ATP11C: variants seen among roughly 807,000 people sequenced by gnomAD.
The protein encoded by ATP11C is phospholipid-transporting ATPase IG.
In ATP11C, 36 loss-of-function variants were observed where a neutral mutation model predicts 97.4. The observed-to-expected ratio is 0.37, with a 90% CI of 0.28 to 0.49. The LOEUF (loss-of-function observed/expected upper bound fraction) is 0.49, where lower values mean the gene tolerates loss of function less well. Ranked by LOEUF, ATP11C falls within the 20% of genes least tolerant of loss-of-function variation. The pLI, the probability that ATP11C is intolerant of heterozygous loss-of-function variation, is 0.98. For missense variants in ATP11C, 730 were observed against 824.6 expected (o/e 0.89, Z 1.40); for synonymous variants, 275 against 290.9 (o/e 0.95, Z 0.56).
Position 139,726,643 on chromosome X carries a change from G to T in ATP11C, c.*2323C>A. The T allele has an allele frequency of 8.9e-6, 1 of 112,545 alleles. No individual in the cohort carries two copies. The highest frequency in any genetic ancestry group is 1.9e-5 in the Non-Finnish European group (1 of 53,241). 9.3% of individuals were successfully genotyped at this position (112,545 alleles called of 1,213,427 possible). A position where few individuals can be genotyped will look rare whatever the true frequency, so the allele number is the denominator to read the frequency against. Reference sequence around the variant, plus strand: ...TAGGCTTACATTTATACTGTTGCTGGTGTATGTGTAAGTAGATATGGAATG... The same window carrying T: ...TAGGCTTACATTTATACTGTTGCTGTTGTATGTGTAAGTAGATATGGAATG... On this transcript the variant is annotated 3_prime_UTR_variant, in exon 30 of 30. Coordinates refer to ENST00000682941, the MANE Select transcript of ATP11C (RefSeq NM_001353812.2).
chrX:139,849,589 C>T (rs1236851035), intron 1 of ATP11C, among the ~76,000 whole-genome samples: 2 of 112,135 alleles, frequency 1.8e-5, no homozygotes, highest in Admixed American at 9.4e-5. Context: ...TTCCTCACCT[C>T]CTCTTCACTC....
At chrX:139,735,713 T>A (rs1391522150) in intron 28 of ATP11C, among the ~76,000 whole-genome samples, 1 of 110,554 alleles carries the variant, frequency 9.0e-6, no homozygotes, top group Non-Finnish European at 1.9e-5. Context: ...ATGGCTGCCA[T>A]GTTGCAGTAG....
intron 1 of ATP11C, among the ~76,000 whole-genome samples, chrX:139,928,502 T>TA (rs2085387269): frequency 8.9e-6 from 1 of 112,088 alleles, no homozygotes; most frequent in Non-Finnish European, 1.9e-5. Flanking sequence ...ACAAAGCAAT[T>TA]ACCTGAACTA....
chrX:139,886,387 G>A (rs2084641844), intron 1 of ATP11C, among the ~76,000 whole-genome samples: 1 of 110,450 alleles, frequency 9.1e-6, no homozygotes, highest in African/African-American at 3.3e-5. Context: ...TCAAGAGATT[G>A]AGGCCATCCT....
chrX:139,810,262 C>A (rs1363228327), intron 5 of ATP11C, among the ~76,000 whole-genome samples: 1 of 111,204 alleles, frequency 9.0e-6, no homozygotes, highest in African/African-American at 3.3e-5. Context: ...TCGACACCAG[C>A]CTGACCAACA....
At chrX:139,763,484 G>C in intron 20 of ATP11C, 66 bp from the exon 21 acceptor site, 3 of 832,563 alleles carry the variant, frequency 3.6e-6, no homozygotes, top group Non-Finnish European at 5.3e-6. Flanking sequence ...GGCTACTTTA[G>C]GGGTTTATGC....
chrX:139,804,581 C>T lies in ATP11C; in HGVS notation c.445G>A (p.Val149Ile), dbSNP rs1385689560. 6 of 1,191,200 alleles carry T rather than the reference C, an allele frequency of 5.0e-6. No homozygotes were observed. The highest frequency in any genetic ancestry group is 1.9e-5 in the South Asian group (1 of 52,712). The change falls in exon 6 of 30, where the codon GTA (valine) becomes ATA (isoleucine). Residue 149 changes from valine (V) to isoleucine (I), a missense_variant. By Grantham distance (29) the Val-to-Ile change is conservative. Transcript: ENST00000682941. Reference protein sequence around the residue: ...EKIKVGDVVEVQADETFPCDL... With the variant: ...EKIKVGDVVEIQADETFPCDL... ...CAGGGAAAGGTTTCATCTGCCTGTA[C>T]TTCTACTACATCACCAACCTGGAAT... is the stretch of plus-strand genomic sequence containing the variant.
At chrX:139,910,025 T>C (rs146074912) in intron 1 of ATP11C, 208 of 112,833 alleles carry the variant, frequency 1.8e-3, no homozygotes, top group Non-Finnish European at 1.9e-3. Flanking sequence ...GAAAGAACTA[T>C]AAGACAGTTG....
Position 139,750,005 on chromosome X carries a change from T to C in ATP11C, c.2828+20A>G, listed in dbSNP as rs759858539. ...CAACACTGAAAGTCTTAGGGGGTTT[T>C]AACTATATATTTAACTTACATATAC... On this transcript the variant is annotated intron_variant, in intron 24 of 29. Transcript: ENST00000682941. 1.5e-5 allele frequency: 18 copies of C among 1,185,354 alleles called. No individual in the cohort carries two copies. Among genetic ancestry groups the C allele is most frequent in the Admixed American group, 1.3e-4 (6 of 45,358 alleles).
chrX:139,762,349 C>T (rs2082054430), intron 21 of ATP11C, among the ~76,000 whole-genome samples: 1 of 111,773 alleles, frequency 8.9e-6, no homozygotes, highest in African/African-American at 3.3e-5. Context: ...ATCATTATTT[C>T]AATCATTACA....
At chrX:139,794,921 G>A (rs1384306096) in intron 12 of ATP11C, among the ~76,000 whole-genome samples, 1 of 111,873 alleles carries the variant, frequency 8.9e-6, no homozygotes, top group Non-Finnish European at 1.9e-5. Context: ...TCCAGAACAG[G>A]CAGATTTGCT....
chrX:139,766,951 A>G (rs771521166), intron 20 of ATP11C, among the ~76,000 whole-genome samples: 2 of 111,330 alleles, frequency 1.8e-5, no homozygotes, highest in Admixed American at 1.9e-4. Flanking sequence ...ATGTGACAAA[A>G]GTTTTGAAAG....
chrX:139,799,432 G>GT (rs1345636493), intron 8 of ATP11C, among the ~76,000 whole-genome samples: 1 of 110,650 alleles, frequency 9.0e-6, no homozygotes, highest in Non-Finnish European at 1.9e-5. Flanking sequence ...CTGTTCTCCA[G>GT]TTATAATTCC....
intron 13 of ATP11C, among the ~76,000 whole-genome samples, 193 bp downstream of exon 13, chrX:139,789,134 C>T (rs990872483): frequency 9.2e-6 from 1 of 108,478 alleles, no homozygotes; most frequent in Admixed American, 9.9e-5. Flanking sequence ...ACCTGGGAAG[C>T]GGAGGTTGCA....
At chrX:139,853,544 A>G (rs151170877) in intron 1 of ATP11C, among the ~76,000 whole-genome samples, 2,368 of 110,697 alleles carry the variant, frequency 0.021, 32 homozygotes, top group Non-Finnish European at 0.034. Context: ...TTAAAAGCCA[A>G]GGTAAATTAG....
intron 1 of ATP11C, among the ~76,000 whole-genome samples, chrX:139,873,415 T>C (rs1334592229): frequency 2.7e-5 from 3 of 111,473 alleles, no homozygotes; most frequent in African/African-American, 9.8e-5. Flanking sequence ...CACTTAAACA[T>C]GGTTAAGATG....
At chrX:139,832,533 C>T (rs2083672924) in intron 1 of ATP11C, among the ~76,000 whole-genome samples, 2 of 112,654 alleles carry the variant, frequency 1.8e-5, no homozygotes, top group Admixed American at 1.9e-4. Context: ...GTATCTTACA[C>T]CACACAGTAA....
At position 139,728,231 on chromosome X, in the gene ATP11C, G is replaced by C. The variant is rs1051189500; in HGVS notation, c.*735C>G. On this transcript the variant is annotated 3_prime_UTR_variant, in exon 30 of 30. Transcript: ENST00000682941. The stretch of plus-strand genomic sequence containing the variant: ...GTTTTATACTTTATTTTCAAGTCTA[G>C]TAGGCTTACACCCATAAGTGGGGTT... 2 of 111,811 alleles carry C rather than the reference G, an allele frequency of 1.8e-5. No individual in the cohort carries two copies. Among genetic ancestry groups the C allele is most frequent in the Non-Finnish European group, 3.8e-5 (2 of 53,037 alleles). 9.2% of individuals were successfully genotyped at this position (111,811 alleles called of 1,213,427 possible).
intron 1 of ATP11C, among the ~76,000 whole-genome samples, chrX:139,879,678 A>G (rs1449636435): frequency 1.8e-5 from 2 of 112,074 alleles, no homozygotes; most frequent in Non-Finnish European, 3.8e-5. Context: ...ATTGCACTGC[A>G]CACTTTCAAT....
Sources: gnomAD v4.1 joint callset for allele counts (sites outside exome capture counted in the v4.1 genomes callset) on GRCh38, gnomAD v4.1.1 for gene constraint, MANE v1.5 for transcripts, NCBI Gene and HGNC (gene_info 2026-07-23, HGNC 2026-07-21) for gene names.